The following FGD4 variants were observed in gnomAD, a reference collection of about 807,000 sequenced individuals.
FGD4 encodes the protein FYVE, RhoGEF and PH domain-containing protein 4.
Under a neutral mutation model 102.0 loss-of-function variants are expected in FGD4, and 42 were observed. That is an observed-to-expected ratio of 0.41 (90% CI 0.32 to 0.53). The LOEUF (loss-of-function observed/expected upper bound fraction) is 0.53. Among genes scored for constraint, FGD4 ranks in the 20% least tolerant of loss-of-function variants. The pLI, the probability that FGD4 is intolerant of heterozygous loss-of-function variation, is 0.21. For synonymous variants in FGD4, 380 were observed against 375.7 expected, an observed-to-expected ratio of 1.01 and a Z score of -0.13; for missense variants, 902 against 1,078.2, an observed-to-expected ratio of 0.84 and a Z score of 2.29.
In FGD4 at chr12:32,506,450, G is replaced by A. The variant is rs186604597; in HGVS notation, c.167-57687G>A. On this transcript the variant is annotated intron_variant, in intron 1 of 16. Transcript: ENST00000534526. The surrounding 1 kb of genome is among the most constrained non-coding windows in gnomAD (Gnocchi z 4.5). ...ACTGTGGATCCCAAAGCAGGTGGGGGAGGGAGGAGCCTGAGGAACGACTAT... is the reference window on the plus strand; with the variant it reads ...ACTGTGGATCCCAAAGCAGGTGGGGAAGGGAGGAGCCTGAGGAACGACTAT... 2.0e-5 allele frequency among the ~76,000 whole-genome samples: 3 copies of A among 152,246 alleles called. No homozygotes were observed. Among genetic ancestry groups the A allele is most frequent in the African/African-American group, 7.2e-5 (3 of 41,562 alleles).
intron 1 of FGD4, among the ~76,000 whole-genome samples, chr12:32,517,415 TTG>T (rs1338960910): frequency 2.0e-5 from 3 of 152,252 alleles, no homozygotes; most frequent in Admixed American, 6.5e-5. Context: ...TAAAAAAAAA[TTG>T]TGTCTTTATT....
At position 32,399,739 on chromosome 12, in the gene FGD4, C is replaced by T; in HGVS notation, c.-55C>T. 6.6e-7 allele frequency: 1 copy of T among 1,514,972 alleles called. No individual in the cohort carries two copies. The highest frequency in any genetic ancestry group is 8.8e-7 in the Non-Finnish European group (1 of 1,139,220). The allele number at this position is 1,514,972 out of a possible 1,614,324, so 93.8% of individuals were successfully genotyped here. A position where few individuals can be genotyped will look rare whatever the true frequency, so the allele number is the denominator to read the frequency against. On this transcript the variant is annotated 5_prime_UTR_variant, in exon 1 of 17. Coordinates refer to ENST00000534526, the MANE Select transcript of FGD4 (RefSeq NM_001370298.3). ...TGCAGGCGACGCCCCCCAGGGGCCG[C>T]TCGCGGCTGGACGGGAGCGGGAGGA...
At chr12:32,472,376 G>A (rs903794343) in intron 1 of FGD4, among the ~76,000 whole-genome samples, 4 of 151,712 alleles carry the variant, frequency 2.6e-5, no homozygotes, top group Admixed American at 1.3e-4. Flanking sequence ...GGTGGGCCCC[G>A]CACTCGGAGC....
At position 32,576,148 on chromosome 12, in the gene FGD4, C is replaced by T. The variant is rs377435503; in HGVS notation, c.320-118C>T. 3.1e-4 allele frequency: 323 copies of T among 1,036,030 alleles called. 1 individual carries two copies. In the African/African-American group the frequency reaches 4.2e-3, roughly 13 times the overall value. 64.2% of individuals were successfully genotyped at this position (1,036,030 alleles called of 1,614,324 possible). A position where few individuals can be genotyped will look rare whatever the true frequency, so the allele number is the denominator to read the frequency against. ...TTATGGTTTAGTTCAAAATTTGACA[C>T]CTGCCCCCTTTACAATAATTTTATA... is the stretch of plus-strand genomic sequence containing the variant. On this transcript the variant is annotated intron_variant, in intron 2 of 16. Transcript: ENST00000534526.
chr12:32,465,472 A>G (rs911252113), intron 1 of FGD4, among the ~76,000 whole-genome samples: 71 of 152,072 alleles, frequency 4.7e-4, no homozygotes, highest in African/African-American at 1.7e-3. Context: ...GATGGAGACC[A>G]TCCCGGCCAA....
chr12:32,428,496 A>AT (rs1259375249), intron 1 of FGD4, among the ~76,000 whole-genome samples: 3 of 150,210 alleles, frequency 2.0e-5, no homozygotes, highest in African/African-American at 7.4e-5. Flanking sequence ...TGCCCTTAAC[A>AT]TTTTTTCCCT....
intron 12 of FGD4, chr12:32,624,765 C>T (rs1950049475): frequency 4.8e-6 from 3 of 624,610 alleles, no homozygotes; most frequent in Admixed American, 2.6e-5. Context: ...TGAGCCACCA[C>T]GCCCAGCTTA....
rs138923058 is a variant in FGD4 at position 32,402,976 on chromosome 12, T to A, written c.166+3017T>A. ...CATTAGATAAGTCTGTTCTTCCCCCTCATCAAAAAGTAAACCAGATTTAAG... is the reference window on the plus strand; with the variant it reads ...CATTAGATAAGTCTGTTCTTCCCCCACATCAAAAAGTAAACCAGATTTAAG... On this transcript the variant is annotated intron_variant, in intron 1 of 16. Transcript: ENST00000534526. 6.4e-3 allele frequency among the ~76,000 whole-genome samples: 973 copies of A among 152,256 alleles called. 11 individuals are homozygous for A. The highest frequency in any genetic ancestry group is 0.022 in the African/African-American group (922 of 41,542).
chr12:32,632,531 G>A (rs1442656978), intron 14 of FGD4, among the ~76,000 whole-genome samples: 1 of 152,106 alleles, frequency 6.6e-6, no homozygotes, highest in South Asian at 2.1e-4. Flanking sequence ...ACTATAAGAA[G>A]CCAGTGTCAC....
chr12:32,582,716 C>T (rs867199639), intron 4 of FGD4: 6 of 526,882 alleles, frequency 1.1e-5, no homozygotes, highest in South Asian at 2.4e-5. Flanking sequence ...AGTGTGGAAA[C>T]TTTAATATAG....
intron 1 of FGD4, chr12:32,534,448 A>C: frequency 6.6e-7 from 1 of 1,526,430 alleles, no homozygotes; most frequent in Non-Finnish European, 8.8e-7. Context: ...TTTTTATTAA[A>C]CCAGAGTAGA....
At chr12:32,633,721 G>C in intron 15 of FGD4, 32 bp downstream of exon 15, 1 of 1,565,836 alleles carries the variant, frequency 6.4e-7, no homozygotes, top group Non-Finnish European at 8.7e-7. Context: ...ATATCTTTTA[G>C]ATTATTTTTT....
rs1239829 is a variant in FGD4, at chr12:32,642,487, A to T, written c.*1954A>T. On this transcript the variant is annotated 3_prime_UTR_variant, in exon 17 of 17. Transcript: ENST00000534526. ...TGTATGGGCCAATGGGAAGATTTAT[A>T]AGTCAGATTATTTTTGAAAACTATT... The T allele has an allele frequency of 6.6e-6, 1 of 151,804 alleles. No individual in the cohort carries two copies. Among genetic ancestry groups the T allele is most frequent in the East Asian group, 1.9e-4 (1 of 5,194 alleles). The allele number at this position is 151,804 out of a possible 1,614,324, so 9.4% of individuals were successfully genotyped here.
chr12:32,425,741 A>G (rs560602649), intron 1 of FGD4, among the ~76,000 whole-genome samples: 3 of 152,004 alleles, frequency 2.0e-5, no homozygotes, highest in Non-Finnish European at 2.9e-5. Flanking sequence ...GTCCTCTCTT[A>G]TTTCCTTGAG....
intron 1 of FGD4, among the ~76,000 whole-genome samples, chr12:32,472,560 G>A (rs1461527200): frequency 2.6e-5 from 4 of 152,364 alleles, no homozygotes; most frequent in Non-Finnish European, 4.4e-5. Context: ...AGCCCGCCAT[G>A]CCTGAGCCTC....
At chr12:32,475,560 C>T (rs1943563403) in intron 1 of FGD4, among the ~76,000 whole-genome samples, 1 of 152,162 alleles carries the variant, frequency 6.6e-6, no homozygotes, top group Non-Finnish European at 1.5e-5. Flanking sequence ...GTACCAGCAG[C>T]ATTTGTATCA....
intron 4 of FGD4, among the ~76,000 whole-genome samples, chr12:32,596,781 C>G (rs1053039100): frequency 1.3e-5 from 2 of 151,640 alleles, no homozygotes; most frequent in Non-Finnish European, 2.9e-5. Flanking sequence ...GCTAAAAATA[C>G]AAAATTAGCC....
intron 4 of FGD4, among the ~76,000 whole-genome samples, chr12:32,587,677 T>C (rs1036017564): frequency 1.3e-5 from 2 of 152,142 alleles, no homozygotes; most frequent in African/African-American, 2.4e-5. Context: ...TGAGCCACTG[T>C]GCCTGGCCAG....
At chr12:32,478,887 C>T (rs936126662) in intron 1 of FGD4, among the ~76,000 whole-genome samples, 2 of 152,192 alleles carry the variant, frequency 1.3e-5, no homozygotes, top group African/African-American at 4.8e-5. Context: ...CCAGCTCCTT[C>T]TGGATATTCT....
Sources: allele counts gnomAD v4.1 joint callset (sites outside exome capture counted in the v4.1 genomes callset), GRCh38; gene constraint gnomAD v4.1.1; non-coding constraint Gnocchi (gnomAD v3.1); transcripts MANE v1.5; gene names NCBI Gene and HGNC (gene_info 2026-07-23, HGNC 2026-07-21).